EIPR1: variants seen among roughly 807,000 people sequenced by gnomAD.
The protein encoded by EIPR1 is EARP and GARP complex-interacting protein 1.
In EIPR1, 25 loss-of-function variants were observed where a neutral mutation model predicts 48.1. The ratio of observed to expected loss-of-function variants is 0.52; its 90% CI spans 0.38 to 0.73. The LOEUF is 0.73. Among genes scored for constraint, EIPR1 ranks in the 30% least tolerant of loss-of-function variants. EIPR1 has a pLI of 0.00. For missense variants in EIPR1, 415 were observed against 506.2 expected (o/e 0.82, Z 1.73); for synonymous variants, 204 against 201.9 (o/e 1.01, Z -0.09).
chr2:3,277,027 A>G (rs1234769022), intron 3 of EIPR1, among the ~76,000 whole-genome samples: 3 of 152,230 alleles, frequency 2.0e-5, no homozygotes, highest in Non-Finnish European at 4.4e-5. Flanking sequence ...CTAATTAAAA[A>G]CGTAAGAGAA....
At chr2:3,209,862 T>C (rs367864572) in intron 5 of EIPR1, among the ~76,000 whole-genome samples, 32 of 152,202 alleles carry the variant, frequency 2.1e-4, no homozygotes, top group African/African-American at 7.5e-4. Context: ...GCCAGGGGCT[T>C]GGAGAGAGAG....
chr2:3,274,979 C>G (rs1238689369), intron 3 of EIPR1, among the ~76,000 whole-genome samples: 2 of 151,422 alleles, frequency 1.3e-5, no homozygotes, highest in Non-Finnish European at 2.9e-5. Flanking sequence ...TTTATGAGAA[C>G]AAGAAAGGAC....
chr2:3,256,169 C>T (rs1667148711), intron 4 of EIPR1, among the ~76,000 whole-genome samples: 3 of 152,174 alleles, frequency 2.0e-5, no homozygotes, highest in African/African-American at 7.2e-5. Context: ...AGAGAGCATC[C>T]GGAGCCACAG....
intron 1 of EIPR1, among the ~76,000 whole-genome samples, chr2:3,362,224 C>T (rs1473714306): frequency 6.6e-6 from 1 of 151,240 alleles, no homozygotes. Context: ...CATTCATACA[C>T]ACAGGGGTGA....
At chr2:3,203,552 G>A (rs549287687) in intron 5 of EIPR1, among the ~76,000 whole-genome samples, 1 of 152,364 alleles carries the variant, frequency 6.6e-6, no homozygotes, top group Non-Finnish European at 1.5e-5. Context: ...TCCAGCTGGA[G>A]GGTAGATAAA....
chr2:3,283,741 C>T (rs201433924), intron 3 of EIPR1, among the ~76,000 whole-genome samples: 5 of 152,246 alleles, frequency 3.3e-5, no homozygotes, highest in South Asian at 2.1e-4. Context: ...GTCAGGAGTT[C>T]AAGACCAGCC....
intron 3 of EIPR1, among the ~76,000 whole-genome samples, chr2:3,270,266 T>C (rs2103244119): frequency 6.6e-6 from 1 of 152,274 alleles, no homozygotes; most frequent in Admixed American, 6.5e-5. Context: ...GGGTCTCAGT[T>C]CCAAAGAGTC....
chr2:3,274,569 G>A (rs888544851), intron 3 of EIPR1: 3 of 1,186,816 alleles, frequency 2.5e-6, no homozygotes, highest in Admixed American at 3.6e-5. Flanking sequence ...GCCTCACTAA[G>A]GGAACTTCTA....
intron 2 of EIPR1, among the ~76,000 whole-genome samples, chr2:3,346,305 G>A (rs753884953): frequency 1.8e-4 from 27 of 152,246 alleles, no homozygotes; most frequent in East Asian, 5.8e-4. Context: ...GCAAAATCCC[G>A]GAAGTGGATG....
intron 1 of EIPR1, among the ~76,000 whole-genome samples, chr2:3,360,845 C>T (rs1307614696): frequency 6.6e-6 from 1 of 151,914 alleles, no homozygotes; most frequent in Non-Finnish European, 1.5e-5. Flanking sequence ...AGTCTCCCTC[C>T]AGAAAGGACC....
intron 1 of EIPR1, among the ~76,000 whole-genome samples, chr2:3,358,366 T>C (rs1379943060): frequency 6.6e-6 from 1 of 152,192 alleles, no homozygotes; most frequent in Non-Finnish European, 1.5e-5. Context: ...CAATATTATC[T>C]ATGTTCCCAA....
intron 5 of EIPR1, among the ~76,000 whole-genome samples, chr2:3,206,441 C>A (rs1665238276): frequency 6.6e-6 from 1 of 152,188 alleles, no homozygotes; most frequent in Non-Finnish European, 1.5e-5. Flanking sequence ...AGAGCTGACC[C>A]GCATGAGAGT....
chr2:3,238,276 C>T (rs934097366), intron 4 of EIPR1, among the ~76,000 whole-genome samples: 22 of 152,318 alleles, frequency 1.4e-4, no homozygotes, highest in African/African-American at 4.3e-4. Flanking sequence ...GTCACCAACA[C>T]GGCTTTCCGG....
At position 3,189,312 on chromosome 2, in the gene EIPR1, C is replaced by T. The variant is rs775439156; in HGVS notation, c.*22G>A. Reference sequence around the variant, plus strand: ...CAAGAGGAAAACCACTCAATGGGACCTGGATAACCCAGGCCCGGGAGTCAT... The same window carrying T: ...CAAGAGGAAAACCACTCAATGGGACTTGGATAACCCAGGCCCGGGAGTCAT... On this transcript the variant is annotated 3_prime_UTR_variant, in exon 9 of 9. Transcript: ENST00000382125. This position sits in a 1 kb window ranked among gnomAD's most constrained non-coding sequence, Gnocchi z 4.6. The T allele has an allele frequency of 6.5e-7, 1 of 1,549,384 alleles. No homozygotes were observed. Among genetic ancestry groups the T allele is most frequent in the Non-Finnish European group, 8.8e-7 (1 of 1,138,272 alleles).
intron 4 of EIPR1, among the ~76,000 whole-genome samples, chr2:3,229,881 G>C (rs533109539): frequency 9.9e-5 from 15 of 152,188 alleles, no homozygotes; most frequent in Admixed American, 5.2e-4. Flanking sequence ...TCATTGTCCA[G>C]TTTCTCCAAC....
chr2:3,353,077 C>T (rs1425839687), intron 2 of EIPR1: 3 of 375,296 alleles, frequency 8.0e-6, no homozygotes, highest in Non-Finnish European at 1.6e-5. Context: ...ATATAACTTT[C>T]ATAACTAATA....
At chr2:3,284,345 G>T (rs1284108040) in intron 3 of EIPR1, among the ~76,000 whole-genome samples, 5 of 116,490 alleles carry the variant, frequency 4.3e-5, no homozygotes, top group Admixed American at 3.9e-4. Flanking sequence ...GGCACATGGA[G>T]ATGGGGCCGG....
Position 3,199,072 on chromosome 2 carries a change from G to GCCCCC in EIPR1, c.517-2056_517-2055insGGGGG, listed in dbSNP as rs986945204. 8.2e-5 allele frequency among the ~76,000 whole-genome samples: 2 copies of GCCCCC among 24,406 alleles called. 1 individual carries two copies. The highest frequency in any genetic ancestry group is 2.2e-4 in the Non-Finnish European group (2 of 9,024). The allele number at this position is 24,406 out of a possible 152,430, so 16.0% of individuals were successfully genotyped here. On this transcript the variant is annotated intron_variant, in intron 5 of 8. Transcript: ENST00000382125. ...GGCCATTTTAGAGGGCCCCCCCCCC[G>GCCCCC]CCCCGGGAATGCATTCTTTTCCCGG...
chr2:3,287,614 C>T (rs977888438), intron 3 of EIPR1, among the ~76,000 whole-genome samples: 2 of 151,688 alleles, frequency 1.3e-5, no homozygotes, highest in Admixed American at 1.3e-4. Context: ...AAAGTTCATT[C>T]AGGCTCCAGA....
Sources: gnomAD v4.1 joint callset for allele counts (sites outside exome capture counted in the v4.1 genomes callset) on GRCh38, gnomAD v4.1.1 for gene constraint, Gnocchi (gnomAD v3.1) non-coding constraint, MANE v1.5 for transcripts, NCBI Gene and HGNC (gene_info 2026-07-23, HGNC 2026-07-21) for gene names.